Variants in TSGA10IP observed in about 807,000 individuals in gnomAD.
TSGA10IP encodes testis specific 10 interacting protein, also known as testis-specific protein 10-interacting protein.
TSGA10IP carries 64 observed loss-of-function variants against 63.2 expected under a neutral mutation model. That is an observed-to-expected ratio of 1.01 (90% CI 0.83 to 1.25). TSGA10IP has a LOEUF of 1.25. Among genes scored for constraint, TSGA10IP ranks in the 50% most tolerant of loss-of-function variants. TSGA10IP has a pLI of 0.00. For synonymous variants in TSGA10IP, 316 were observed against 298.3 expected (o/e 1.06, Z -0.61); for missense variants, 681 against 710.1 (o/e 0.96, Z 0.47).
At chr11:65,959,356 G>A in intron 7 of TSGA10IP, 42 bp downstream of exon 7, 1 of 1,602,810 alleles carries the variant, frequency 6.2e-7, no homozygotes, top group Non-Finnish European at 8.5e-7. Context: ...CTGCCATGCT[G>A]CTGCGGGAAG....
chr11:65,953,337 CAGG>C (rs1430927965), intron 4 of TSGA10IP, among the ~76,000 whole-genome samples: 1 of 152,126 alleles, frequency 6.6e-6, no homozygotes, highest in Admixed American at 6.6e-5. Flanking sequence ...GGCCTGGAAG[CAGG>C]AGACTTCTAG....
At chr11:65,949,865 T>TC (rs1854914506) in intron 4 of TSGA10IP, among the ~76,000 whole-genome samples, 1 of 146,588 alleles carries the variant, frequency 6.8e-6, no homozygotes, top group Non-Finnish European at 1.5e-5. Context: ...TTTTTTTTTT[T>TC]TTTTTTGAGA....
Position 65,947,409 on chromosome 11 carries a change from C to G in TSGA10IP, c.584C>G (p.Pro195Arg), listed in dbSNP as rs777329816. Residue 195 changes from proline to arginine, a missense_variant, in exon 3 of 8, where the codon CCC becomes CGC. Pro to Arg is a moderately radical substitution (Grantham distance 103). Coordinates refer to ENST00000532620, the Ensembl canonical transcript of TSGA10IP. Reference sequence around the variant, plus strand: ...AAAGGGGAGCTAGGATCAGAGCCCCCCAGTGGTCTCCAGCTGCCTGGGAGG... The same window carrying G: ...AAAGGGGAGCTAGGATCAGAGCCCCGCAGTGGTCTCCAGCTGCCTGGGAGG... 7 of 1,613,402 alleles carry G rather than the reference C, an allele frequency of 4.3e-6. No individual in the cohort carries two copies. In the East Asian group the frequency reaches 6.7e-5, roughly 15 times the overall value.
intron 4 of TSGA10IP, among the ~76,000 whole-genome samples, chr11:65,948,745 G>A (rs1035370803): frequency 1.3e-5 from 2 of 152,192 alleles, no homozygotes; most frequent in African/African-American, 4.8e-5. Context: ...AGGCCAAGGC[G>A]TGTGGATTGT....
At chr11:65,958,849 T>C (rs745669022) in intron 5 of TSGA10IP, 34 bp from the exon 6 acceptor site, 6 of 1,584,116 alleles carry the variant, frequency 3.8e-6, no homozygotes, top group East Asian at 2.3e-5. Context: ...GTTGTGTCCA[T>C]GGTTAGCTGC....
chr11:65,954,227 G>A (rs184732123), intron 5 of TSGA10IP, among the ~76,000 whole-genome samples: 2,392 of 150,728 alleles, frequency 0.016, 59 homozygotes, highest in African/African-American at 0.054. Flanking sequence ...GTGCAGTGGC[G>A]CGATCTCGGC....
intron 4 of TSGA10IP, among the ~76,000 whole-genome samples, chr11:65,952,436 G>GGTGT (rs540609428): frequency 1.3e-5 from 2 of 150,660 alleles, no homozygotes; most frequent in African/African-American, 2.4e-5. Flanking sequence ...GTGTGTGTGT[G>GGTGT]GTGTGTGTGT....
At chr11:65,949,516 A>C (rs1854906179) in intron 4 of TSGA10IP, among the ~76,000 whole-genome samples, 1 of 151,572 alleles carries the variant, frequency 6.6e-6, no homozygotes, top group Non-Finnish European at 1.5e-5. Flanking sequence ...TCCCAGGTTC[A>C]AGTGATTCTC....
chr11:65,945,677 T>C (rs1854813274), exon 1 of TSGA10IP: 1 of 1,612,658 alleles, frequency 6.2e-7, no homozygotes, highest in Non-Finnish European at 8.5e-7. Context: ...TGGGGCAGGA[T>C]GGGGCAGGAC....
At chr11:65,948,036 G>C in exon 4 of TSGA10IP, 1 of 1,568,028 alleles carries the variant, frequency 6.4e-7, no homozygotes, top group Non-Finnish European at 8.6e-7. Context: ...TTTGAGGGCT[G>C]CCTTCCAGGC....
In TSGA10IP at chr11:65,953,563, C is replaced by G. The variant is rs776626478; in HGVS notation, c.1152-4C>G. ...TCTCATTCCCCTTCCCTTTCTCACCCAAGGAGCCTGCTGCAGGCCTGGGAG... is the reference window on the plus strand; with the variant it reads ...TCTCATTCCCCTTCCCTTTCTCACCGAAGGAGCCTGCTGCAGGCCTGGGAG... On this transcript the variant is annotated splice_region_variant and splice_polypyrimidine_tract_variant and intron_variant, in intron 4 of 7. Coordinates refer to ENST00000532620, the Ensembl canonical transcript of TSGA10IP. The G allele has an allele frequency of 6.3e-7, 1 of 1,578,380 alleles. No individual in the cohort carries two copies. The highest frequency in any genetic ancestry group is 8.6e-7 in the Non-Finnish European group (1 of 1,164,198).
At chr11:65,957,385 G>A (rs186389821) in intron 5 of TSGA10IP, among the ~76,000 whole-genome samples, 54 of 152,242 alleles carry the variant, frequency 3.5e-4, no homozygotes, top group Admixed American at 7.2e-4. Flanking sequence ...TCCTGACCTC[G>A]AGATCTGCCC....
At chr11:65,959,950 A>G (rs768999990) in exon 8 of TSGA10IP, 1 of 1,612,824 alleles carries the variant, frequency 6.2e-7, no homozygotes, top group Non-Finnish European at 8.5e-7. Context: ...AGATAAAATT[A>G]AAGGCTTTAT....
At chr11:65,953,234 A>T (rs1854968928) in intron 4 of TSGA10IP, among the ~76,000 whole-genome samples, 1 of 151,534 alleles carries the variant, frequency 6.6e-6, no homozygotes, top group Non-Finnish European at 1.5e-5. Context: ...TTTCACCATG[A>T]TGACCAAGCT....
intron 5 of TSGA10IP, 107 bp from the exon 6 acceptor site, chr11:65,958,776 G>A: frequency 1.2e-6 from 1 of 848,414 alleles, no homozygotes; most frequent in Non-Finnish European, 1.9e-6. Context: ...GTAAAGGTGA[G>A]GGTGAGGACA....
At chr11:65,955,574 T>C (rs933486056) in intron 5 of TSGA10IP, among the ~76,000 whole-genome samples, 6 of 151,398 alleles carry the variant, frequency 4.0e-5, no homozygotes, top group Non-Finnish European at 8.8e-5. Context: ...GACTGCACCA[T>C]TGCACTCCAG....
At chr11:65,947,932 T>A in intron 3 of TSGA10IP, 69 bp from the exon 4 acceptor site, 1 of 1,522,908 alleles carries the variant, frequency 6.6e-7, no homozygotes, top group East Asian at 2.5e-5. Flanking sequence ...GTGCTCTGGG[T>A]GCTGGGGGGC....
chr11:65,954,820 A>AG (rs1414276907), intron 5 of TSGA10IP, among the ~76,000 whole-genome samples: 45 of 147,326 alleles, frequency 3.1e-4, no homozygotes, highest in African/African-American at 1.0e-3. Context: ...CTCCATCTCA[A>AG]AAAAAAAAAA....
intron 4 of TSGA10IP, among the ~76,000 whole-genome samples, chr11:65,952,895 T>G (rs1318728414): frequency 1.3e-5 from 2 of 152,018 alleles, no homozygotes; most frequent in Non-Finnish European, 2.9e-5. Flanking sequence ...TTAAAATTGT[T>G]TTTTCTATTT....
Sources: allele counts gnomAD v4.1 joint callset (sites outside exome capture counted in the v4.1 genomes callset), GRCh38; gene constraint gnomAD v4.1.1; transcripts MANE v1.5; gene names NCBI Gene and HGNC (gene_info 2026-07-23, HGNC 2026-07-21).